The following ULK4 variants were observed in gnomAD, a reference collection of about 807,000 sequenced individuals.
The protein encoded by ULK4 is inactive serine/threonine-protein kinase ULK4.
ULK4 carries 133 observed loss-of-function variants against 160.6 expected under a neutral mutation model. That is an observed-to-expected ratio of 0.83 (90% CI 0.72 to 0.96). ULK4 has a LOEUF of 0.96. Ranked by LOEUF, ULK4 falls within the 40% of genes least tolerant of loss-of-function variation. ULK4 has a pLI of 0.00. For missense variants in ULK4, 1,580 were observed against 1,499.5 expected, an observed-to-expected ratio of 1.05 and a Z score of -0.89; for synonymous variants, 534 against 539.8, an observed-to-expected ratio of 0.99 and a Z score of 0.15.
At chr3:41,251,216 T>A (rs2078737090) in intron 35 of ULK4, 1 of 152,250 alleles carries the variant, frequency 6.6e-6, no homozygotes, top group African/African-American at 2.4e-5. Flanking sequence ...GACATAAATG[T>A]AGACATAAAC....
intron 31 of ULK4, among the ~76,000 whole-genome samples, chr3:41,577,818 T>C (rs2088248124): frequency 6.6e-6 from 1 of 152,206 alleles, no homozygotes; most frequent in Admixed American, 6.5e-5. Flanking sequence ...CATCAGGGCT[T>C]ATAGAGTCAA....
intron 5 of ULK4, among the ~76,000 whole-genome samples, chr3:41,921,405 A>T (rs1213074737): frequency 6.6e-6 from 1 of 151,468 alleles, no homozygotes; most frequent in Non-Finnish European, 1.5e-5. Context: ...AGGTCAGGAG[A>T]TCGAGACCAG....
At chr3:41,592,081 G>T (rs895035118) in intron 31 of ULK4, among the ~76,000 whole-genome samples, 2 of 152,152 alleles carry the variant, frequency 1.3e-5, no homozygotes, top group African/African-American at 4.8e-5. Context: ...ACCCACTGAA[G>T]GAAGCGGACT....
chr3:41,584,884 A>C (rs2030676685), intron 31 of ULK4, among the ~76,000 whole-genome samples: 1 of 152,200 alleles, frequency 6.6e-6, no homozygotes, highest in Non-Finnish European at 1.5e-5. Context: ...AGAAGAAGTA[A>C]AGAAAACATT....
At chr3:41,885,654 A>C (rs1047912590) in intron 16 of ULK4, among the ~76,000 whole-genome samples, 2 of 152,156 alleles carry the variant, frequency 1.3e-5, no homozygotes, top group Non-Finnish European at 2.9e-5. Context: ...AAAATATGAC[A>C]GATGCAAGTA....
chr3:41,461,448 G>C (rs1444820430), intron 33 of ULK4, among the ~76,000 whole-genome samples: 1 of 152,082 alleles, frequency 6.6e-6, no homozygotes. Context: ...CAGCCTCAAG[G>C]ACTCCTCCTC....
chr3:41,374,553 T>C lies in ULK4; in HGVS notation c.3678+23526A>G, dbSNP rs996576231. Among the ~76,000 whole-genome samples the C allele has an allele frequency of 3.9e-4, 59 of 152,280 alleles. 1 individual carries two copies. Among genetic ancestry groups the C allele is most frequent in the African/African-American group, 1.3e-3 (53 of 41,564 alleles). ...GGAAAAAAACACATGATTATCTCAA[T>C]AGATGCAGAAAAGGCCTTCAATAAA... is the stretch of plus-strand genomic sequence containing the variant. On this transcript the variant is annotated intron_variant, in intron 35 of 36. Coordinates refer to ENST00000301831, the MANE Select transcript of ULK4 (RefSeq NM_017886.4).
At chr3:41,605,049 T>C (rs754751578) in intron 31 of ULK4, among the ~76,000 whole-genome samples, 1 of 151,960 alleles carries the variant, frequency 6.6e-6, no homozygotes, top group Non-Finnish European at 1.5e-5. Context: ...AGCTACTTTG[T>C]CCAGTAGTCT....
At chr3:41,885,498 C>T (rs1420630087) in intron 16 of ULK4, among the ~76,000 whole-genome samples, 1 of 152,130 alleles carries the variant, frequency 6.6e-6, no homozygotes, top group African/African-American at 2.4e-5. Flanking sequence ...CCCCCAGTGA[C>T]TCGACACTGT....
chr3:41,649,228 G>A (rs998822713), intron 30 of ULK4, among the ~76,000 whole-genome samples: 2 of 152,204 alleles, frequency 1.3e-5, no homozygotes, highest in African/African-American at 4.8e-5. Flanking sequence ...GTATGGCTGT[G>A]ATGGCAGCAG....
intron 35 of ULK4, 54 bp downstream of exon 35, chr3:41,398,025 A>G: frequency 1.3e-6 from 2 of 1,561,738 alleles, no homozygotes; most frequent in South Asian, 2.4e-5. Flanking sequence ...CTCACTGTCC[A>G]TGTCGCTGCC....
In ULK4 at chr3:41,661,633, T is replaced by G. The variant is rs553270436; in HGVS notation, c.3071+1974A>C. Among the ~76,000 whole-genome samples the G allele has an allele frequency of 2.0e-5, 3 of 152,190 alleles. No individual in the cohort carries two copies. The South Asian group carries it at 6.2e-4, about 32-fold the overall frequency. ...CCAAAATAATAACAATTACTACCCC[T>G]AGGGGAGAAACCTGTGAGGCAGAGG... On this transcript the variant is annotated intron_variant, in intron 30 of 36. Transcript: ENST00000301831.
intron 30 of ULK4, among the ~76,000 whole-genome samples, chr3:41,661,157 A>G (rs1209683849): frequency 2.0e-5 from 3 of 152,176 alleles, no homozygotes; most frequent in African/African-American, 7.2e-5. Context: ...CAGTGAACAA[A>G]TATTCAAAGA....
intron 32 of ULK4, among the ~76,000 whole-genome samples, chr3:41,482,104 G>A (rs1272168592): frequency 1.3e-5 from 2 of 152,040 alleles, no homozygotes; most frequent in African/African-American, 2.4e-5. Flanking sequence ...CTTTCACTTT[G>A]CACTGTGGAA....
At position 41,907,926 on chromosome 3, in the gene ULK4, G is replaced by A. The variant is rs1698631232; in HGVS notation, c.1101C>T (p.Pro367=). The change falls in exon 12 of 37, where the codon CCC becomes CCT. Residue 367 remains proline, a synonymous_variant. Transcript: ENST00000301831. ...SMFLLSSRPT[P]RTSTAVEVSP... is the part of the protein sequence containing the mutation. The stretch of plus-strand genomic sequence containing the variant: ...TTACTTCCACTGCAGTGCTAGTTCT[G>A]GGAGTAGGACGAGAACTGAAAAATA... 1.9e-6 allele frequency: 3 copies of A among 1,605,282 alleles called. No individual in the cohort carries two copies. Among genetic ancestry groups the A allele is most frequent in the Non-Finnish European group, 1.7e-6 (2 of 1,176,274 alleles).
intron 31 of ULK4, among the ~76,000 whole-genome samples, chr3:41,606,219 A>G (rs546094484): frequency 1.3e-5 from 2 of 151,978 alleles, no homozygotes; most frequent in Non-Finnish European, 2.9e-5. Context: ...AATGAAACCC[A>G]AAGGAAACAA....
intron 34 of ULK4, among the ~76,000 whole-genome samples, chr3:41,449,209 T>A (rs2083371423): frequency 6.6e-6 from 1 of 151,292 alleles, no homozygotes; most frequent in Admixed American, 6.6e-5. Flanking sequence ...TGAGCCACCA[T>A]GCCCGGCCCC....
At chr3:41,697,338 T>C (rs1414994431) in intron 27 of ULK4, among the ~76,000 whole-genome samples, 5 of 152,140 alleles carry the variant, frequency 3.3e-5, no homozygotes, top group African/African-American at 1.2e-4. Context: ...ATGATCCTGA[T>C]CTTGAGTAAG....
chr3:41,624,866 T>C (rs1484736606), intron 30 of ULK4, among the ~76,000 whole-genome samples: 2 of 152,194 alleles, frequency 1.3e-5, no homozygotes, highest in African/African-American at 4.8e-5. Flanking sequence ...TTCCGTATCT[T>C]GTCTATTATG....
Sources: gnomAD v4.1 joint callset for allele counts (sites outside exome capture counted in the v4.1 genomes callset) on GRCh38, gnomAD v4.1.1 for gene constraint, MANE v1.5 for transcripts, NCBI Gene and HGNC (gene_info 2026-07-23, HGNC 2026-07-21) for gene names.